LYRM4: variants seen among roughly 807,000 people sequenced by gnomAD.
LYRM4 encodes LYR motif containing 4.
Under a neutral mutation model 11.7 loss-of-function variants are expected in LYRM4, and 9 were observed. That is an observed-to-expected ratio of 0.77 (90% CI 0.46 to 1.34). The LOEUF (loss-of-function observed/expected upper bound fraction) is 1.34. Among genes scored for constraint, LYRM4 ranks in the 40% most tolerant of loss-of-function variants. The pLI, the probability that LYRM4 is intolerant of heterozygous loss-of-function variation, is 0.00. For missense variants in LYRM4, 133 were observed against 112.5 expected (o/e 1.18, Z -0.82); for synonymous variants, 42 against 40.4 (o/e 1.04, Z -0.15).
intron 2 of LYRM4, among the ~76,000 whole-genome samples, chr6:5,174,966 A>G (rs1759636891): frequency 6.6e-6 from 1 of 152,222 alleles, no homozygotes; most frequent in African/African-American, 2.4e-5. Flanking sequence ...TTAATGCACA[A>G]AATGCTGCCA....
chr6:5,258,180 T>A (rs1174545312), intron 1 of LYRM4, among the ~76,000 whole-genome samples: 1 of 152,216 alleles, frequency 6.6e-6, no homozygotes, highest in Non-Finnish European at 1.5e-5. Flanking sequence ...AGGCTGAGAC[T>A]GGAGGAGCAG....
At chr6:5,162,759 A>T (rs1366985554) in intron 2 of LYRM4, among the ~76,000 whole-genome samples, 2 of 152,252 alleles carry the variant, frequency 1.3e-5, no homozygotes, top group African/African-American at 4.8e-5. Flanking sequence ...CCAATGCTTT[A>T]TAAACATACT....
chr6:5,044,525 C>G, the LYRM4 span, among the ~76,000 whole-genome samples: 1 of 152,240 alleles, frequency 6.6e-6, no homozygotes, highest in South Asian at 2.1e-4. Context: ...ACCTGCTTTA[C>G]TTCCAGATCA....
At chr6:5,195,825 T>C (rs963883765) in intron 2 of LYRM4, among the ~76,000 whole-genome samples, 2 of 152,166 alleles carry the variant, frequency 1.3e-5, no homozygotes, top group South Asian at 2.1e-4. Context: ...GATTGTAAGC[T>C]GCATGAGGGC....
intron 2 of LYRM4, among the ~76,000 whole-genome samples, chr6:5,161,726 C>T (rs998040910): frequency 6.6e-6 from 1 of 152,160 alleles, no homozygotes; most frequent in African/African-American, 2.4e-5. Context: ...GCTGTTGGAG[C>T]CCTGTGCTTT....
chr6:5,117,681 T>C lies in LYRM4; in HGVS notation c.208-8190A>G, dbSNP rs539628573. ...CTCTGCTCTATAGCATATTTATGCC[T>C]ATTTTTGTATACAAATGTTTTCCCT... On this transcript the variant is annotated intron_variant, in intron 2 of 2. Coordinates refer to ENST00000330636, the MANE Select transcript of LYRM4 (RefSeq NM_020408.6). Among the ~76,000 whole-genome samples, 4 of 152,290 alleles carry C rather than the reference T, an allele frequency of 2.6e-5. No individual in the cohort carries two copies. The South Asian group carries it at 8.3e-4, about 32-fold the overall frequency.
intron 2 of LYRM4, among the ~76,000 whole-genome samples, chr6:5,196,315 T>C (rs888402038): frequency 6.6e-6 from 1 of 152,172 alleles, no homozygotes; most frequent in Non-Finnish European, 1.5e-5. Context: ...CCCAACACCC[T>C]ACTGCCTCTA....
intron 1 of LYRM4, among the ~76,000 whole-genome samples, chr6:5,217,289 C>T (rs974027856): frequency 7.2e-5 from 11 of 152,226 alleles, no homozygotes; most frequent in Admixed American, 2.0e-4. Context: ...TAGGATCCCA[C>T]CACAGTTGAA....
chr6:5,172,361 G>C (rs138911108), intron 2 of LYRM4, among the ~76,000 whole-genome samples: 1 of 152,256 alleles, frequency 6.6e-6, no homozygotes, highest in African/African-American at 2.4e-5. Context: ...AGGATTTGTC[G>C]GTGCATTTCC....
At chr6:5,252,402 T>C (rs1040098347) in intron 1 of LYRM4, among the ~76,000 whole-genome samples, 7 of 152,218 alleles carry the variant, frequency 4.6e-5, no homozygotes, top group Non-Finnish European at 1.0e-4. Context: ...CTGGGGATTT[T>C]ACCTAGCATT....
chr6:5,258,187 G>A (rs527730689), intron 1 of LYRM4, among the ~76,000 whole-genome samples: 1 of 152,350 alleles, frequency 6.6e-6, no homozygotes, highest in East Asian at 1.9e-4. Flanking sequence ...GACTGGAGGA[G>A]CAGACAGGGC....
chr6:5,046,984 G>T, the LYRM4 span, among the ~76,000 whole-genome samples: 1 of 152,160 alleles, frequency 6.6e-6, no homozygotes, highest in Non-Finnish European at 1.5e-5. Flanking sequence ...TCAGCTACTT[G>T]GGAGGCTGCG....
At chr6:5,116,764 G>C (rs1377905220) in intron 2 of LYRM4, among the ~76,000 whole-genome samples, 1 of 152,234 alleles carries the variant, frequency 6.6e-6, no homozygotes, top group African/African-American at 2.4e-5. Context: ...TCAGCTGCCA[G>C]TAGCTGGGGA....
intron 2 of LYRM4, among the ~76,000 whole-genome samples, chr6:5,124,891 C>T (rs1763631778): frequency 1.3e-5 from 2 of 152,232 alleles, no homozygotes; most frequent in Non-Finnish European, 2.9e-5. Flanking sequence ...CATCCAGCAC[C>T]AGCCACACTG....
intron 2 of LYRM4, 30 bp from the exon 3 acceptor site, chr6:5,109,521 A>T (rs767476242): frequency 6.2e-7 from 1 of 1,604,512 alleles, no homozygotes; most frequent in Non-Finnish European, 8.5e-7. Flanking sequence ...ACAGGTCAGG[A>T]ACCGTGGCCC....
intron 1 of LYRM4, 30 bp downstream of exon 1, chr6:5,260,614 CCCCG>C: frequency 6.8e-7 from 1 of 1,467,236 alleles, no homozygotes; most frequent in Non-Finnish European, 9.1e-7. Flanking sequence ...GCCCCTGGCC[CCCCG>C]CCCCCGGCCC....
chr6:5,205,944 G>C (rs1377432320), intron 2 of LYRM4, among the ~76,000 whole-genome samples: 1 of 152,216 alleles, frequency 6.6e-6, no homozygotes, highest in African/African-American at 2.4e-5. Context: ...CTTTCACAAA[G>C]TGCAGCTCCA....
Position 5,120,614 on chromosome 6 carries a change from T to C in LYRM4, c.208-11123A>G, listed in dbSNP as rs186395220. Among the ~76,000 whole-genome samples the C allele has an allele frequency of 2.6e-5, 4 of 152,338 alleles. No homozygotes were observed. In the East Asian group the frequency reaches 7.7e-4, roughly 29 times the overall value. ...CAGCTTTTATTCCCTTATTTGTCTC[T>C]GCCCATGTCCTGCTGATTGGTCCAG... On this transcript the variant is annotated intron_variant, in intron 2 of 2. Transcript: ENST00000330636.
Position 5,108,440 on chromosome 6 carries a change from T to C in LYRM4, c.*983A>G, listed in dbSNP as rs1762731411. 3 of 976,474 alleles carry C rather than the reference T, an allele frequency of 3.1e-6. No homozygotes were observed. The highest frequency in any genetic ancestry group is 3.7e-6 in the Non-Finnish European group (3 of 821,730). The allele number at this position is 976,474 out of a possible 1,614,324, so 60.5% of individuals were successfully genotyped here. A position where few individuals can be genotyped will look rare whatever the true frequency, so the allele number is the denominator to read the frequency against. ...AGAATAAAAGCATACAAACAATATC[T>C]TTATTACCTGTAATATACTTAAAGA... is the stretch of plus-strand genomic sequence containing the variant. On this transcript the variant is annotated 3_prime_UTR_variant, in exon 3 of 3. Transcript: ENST00000330636.
Sources: gnomAD v4.1 joint callset for allele counts (sites outside exome capture counted in the v4.1 genomes callset) on GRCh38, gnomAD v4.1.1 for gene constraint, MANE v1.5 for transcripts, NCBI Gene and HGNC (gene_info 2026-07-23, HGNC 2026-07-21) for gene names.